Variants in ATXN7L1 observed in about 807,000 individuals in gnomAD.
ATXN7L1 encodes ataxin-7-like protein 1.
In ATXN7L1, 15 loss-of-function variants were observed where a neutral mutation model predicts 70.8. That is an observed-to-expected ratio of 0.21 (90% CI 0.14 to 0.33). The LOEUF (loss-of-function observed/expected upper bound fraction) is 0.33. Among genes scored for constraint, ATXN7L1 ranks in the 10% least tolerant of loss-of-function variants. ATXN7L1 has a pLI of 1.00. For synonymous variants in ATXN7L1, 440 were observed against 445.1 expected (o/e 0.99, Z 0.14); for missense variants, 975 against 1,097.1 (o/e 0.89, Z 1.57).
intron 3 of ATXN7L1, among the ~76,000 whole-genome samples, chr7:105,707,120 G>T (rs937315076): frequency 6.6e-6 from 1 of 152,138 alleles, no homozygotes; most frequent in East Asian, 1.9e-4. Flanking sequence ...CATCTCTAGT[G>T]GTAAGAGCCA....
intron 5 of ATXN7L1, among the ~76,000 whole-genome samples, chr7:105,641,216 T>TC (rs1798177154): frequency 6.8e-5 from 1 of 14,668 alleles, no homozygotes; most frequent in South Asian, 4.2e-3. Flanking sequence ...CTCTCTCTCT[T>TC]TTTTTTTTTT....
chr7:105,712,609 G>A (rs192981599), intron 3 of ATXN7L1, among the ~76,000 whole-genome samples: 2,019 of 152,288 alleles, frequency 0.013, 41 homozygotes, highest in African/African-American at 0.043. Flanking sequence ...CCTAGGGCAG[G>A]GGGGAAATGC....
At position 105,658,735 on chromosome 7, in the gene ATXN7L1, T is replaced by C. The variant is rs186901541; in HGVS notation, c.578+6331A>G. ...TTTTAGTAGATACGGGGTTCCACCA[T>C]GTTGGCTAGGCTGGTCTCGAACTCT... On this transcript the variant is annotated intron_variant, in intron 4 of 11. Transcript: ENST00000419735. Among the ~76,000 whole-genome samples, 419 of 152,164 alleles carry C rather than the reference T, an allele frequency of 2.8e-3. 3 individuals carry two copies. The highest frequency in any genetic ancestry group is 9.7e-3 in the African/African-American group (404 of 41,538).
intron 9 of ATXN7L1, chr7:105,618,223 G>A: frequency 2.8e-6 from 1 of 358,594 alleles, no homozygotes; most frequent in South Asian, 2.1e-5. Flanking sequence ...GAGCTGCGAG[G>A]ATCACCAGGG....
intron 2 of ATXN7L1, among the ~76,000 whole-genome samples, chr7:105,820,744 T>C (rs1810015150): frequency 6.6e-6 from 1 of 152,160 alleles, no homozygotes; most frequent in Non-Finnish European, 1.5e-5. Context: ...AGGTGGGCCC[T>C]ATTAAGAGGT....
At chr7:105,746,443 A>G (rs1480143500) in intron 3 of ATXN7L1, among the ~76,000 whole-genome samples, 1 of 152,184 alleles carries the variant, frequency 6.6e-6, no homozygotes, top group Non-Finnish European at 1.5e-5. Context: ...GTGTTGTCCC[A>G]GGGGCATGAG....
chr7:105,673,436 G>A lies in ATXN7L1; in HGVS notation c.356-8148C>T, dbSNP rs574534843. ...CCACAGTCGCTTGTGGCCTGCCATG[G>A]TTGTGTAAGCACACTTGGGCTTAGG... On this transcript the variant is annotated intron_variant, in intron 3 of 11. Coordinates refer to ENST00000419735, the MANE Select transcript of ATXN7L1 (RefSeq NM_020725.2). 1.1e-4 allele frequency among the ~76,000 whole-genome samples: 16 copies of A among 152,334 alleles called. 1 individual carries two copies. Among genetic ancestry groups the A allele is most frequent in the South Asian group, 2.1e-4 (1 of 4,834 alleles).
In ATXN7L1 at chr7:105,813,359, C is replaced by T. The variant is rs548806667; in HGVS notation, c.251-24651G>A. 1.0e-4 allele frequency among the ~76,000 whole-genome samples: 13 copies of T among 124,370 alleles called. No homozygotes were observed. In the East Asian group the frequency reaches 1.2e-3, roughly 12 times the overall value. 81.6% of individuals were successfully genotyped at this position (124,370 alleles called of 152,430 possible). ...AATTTTTTTTTTTTTTTTTTTGAGA[C>T]GGAGTTTTGCTCTTGTTGCCCAGGC... is the stretch of plus-strand genomic sequence containing the variant. On this transcript the variant is annotated intron_variant, in intron 2 of 11. Coordinates refer to ENST00000419735, the MANE Select transcript of ATXN7L1 (RefSeq NM_020725.2).
intron 2 of ATXN7L1, among the ~76,000 whole-genome samples, chr7:105,789,825 C>T (rs928784972): frequency 2.6e-5 from 4 of 151,972 alleles, no homozygotes; most frequent in Admixed American, 6.6e-5. Context: ...AGATCAGTTA[C>T]GTGGCAATAC....
chr7:105,780,317 G>A (rs779860181), intron 3 of ATXN7L1, among the ~76,000 whole-genome samples: 1 of 152,158 alleles, frequency 6.6e-6, no homozygotes. Context: ...GACATGCCAT[G>A]CCTCACTCCA....
At position 105,789,279 on chromosome 7, in the gene ATXN7L1, T is replaced by A. The variant is rs115970097; in HGVS notation, c.251-571A>T. Among the ~76,000 whole-genome samples, 343 of 152,318 alleles carry A rather than the reference T, an allele frequency of 2.3e-3. 2 individuals are homozygous for A. Among genetic ancestry groups the A allele is most frequent in the African/African-American group, 7.9e-3 (330 of 41,576 alleles). ...ATTCATTCAGTAAATATTTACTGAG[T>A]GCCTGAATGTGCCAGGCACTGTGCT... On this transcript the variant is annotated intron_variant, in intron 2 of 11. Coordinates refer to ENST00000419735, the MANE Select transcript of ATXN7L1 (RefSeq NM_020725.2).
chr7:105,643,877 C>T (rs1330069210), intron 4 of ATXN7L1, among the ~76,000 whole-genome samples: 14 of 152,228 alleles, frequency 9.2e-5, no homozygotes. Context: ...TGCTATTTCT[C>T]CTGTATGGGA....
At chr7:105,728,750 G>A (rs1796192597) in intron 3 of ATXN7L1, among the ~76,000 whole-genome samples, 2 of 152,116 alleles carry the variant, frequency 1.3e-5, no homozygotes, top group Non-Finnish European at 2.9e-5. Context: ...TACAAGATGA[G>A]CCTGGGGCAT....
At chr7:105,819,464 A>T in intron 2 of ATXN7L1, 3 of 643,060 alleles carry the variant, frequency 4.7e-6, no homozygotes, top group Non-Finnish European at 8.3e-6. Flanking sequence ...AAAAAAAAAG[A>T]GTGTCCTTTC....
At chr7:105,634,390 A>G (rs1797064313) in intron 7 of ATXN7L1, among the ~76,000 whole-genome samples, 1 of 152,222 alleles carries the variant, frequency 6.6e-6, no homozygotes, top group Non-Finnish European at 1.5e-5. Context: ...GCAGAAGGCA[A>G]TTGACCTTGA....
intron 7 of ATXN7L1, among the ~76,000 whole-genome samples, chr7:105,627,065 GT>G (rs1383167839): frequency 6.6e-6 from 1 of 152,066 alleles, no homozygotes; most frequent in African/African-American, 2.4e-5. Context: ...CAAATCTTCT[GT>G]TGATGAAGAT....
At chr7:105,618,941 C>T (rs1438697094) in intron 9 of ATXN7L1, among the ~76,000 whole-genome samples, 1 of 152,044 alleles carries the variant, frequency 6.6e-6, no homozygotes, top group Non-Finnish European at 1.5e-5. Context: ...GAAAGGGAAC[C>T]TAAGTTGGAG....
intron 3 of ATXN7L1, among the ~76,000 whole-genome samples, chr7:105,698,949 C>G (rs1792090226): frequency 6.6e-6 from 1 of 152,100 alleles, no homozygotes; most frequent in African/African-American, 2.4e-5. Flanking sequence ...CTAGGCATAT[C>G]TGGAAAGTGA....
chr7:105,677,882 TATAAG>T (rs2116141909), intron 3 of ATXN7L1: 1 of 937,512 alleles, frequency 1.1e-6, no homozygotes, highest in Non-Finnish European at 1.3e-6. Context: ...CATGGTCTCT[TATAAG>T]AGAAGGTGAA....
Sources: gnomAD v4.1 joint callset for allele counts (sites outside exome capture counted in the v4.1 genomes callset) on GRCh38, gnomAD v4.1.1 for gene constraint, MANE v1.5 for transcripts, NCBI Gene and HGNC (gene_info 2026-07-23, HGNC 2026-07-21) for gene names.